Variants in DOP1A observed in about 807,000 individuals in gnomAD.
DOP1A encodes the protein protein DOP1A.
Under a neutral mutation model 267.6 loss-of-function variants are expected in DOP1A, and 90 were observed. That is an observed-to-expected ratio of 0.34 (90% confidence interval 0.28 to 0.40). The LOEUF is 0.40. DOP1A is among the 10% of genes least tolerant of loss of function. DOP1A has a pLI of 1.00. For missense variants in DOP1A, 2,437 were observed against 2,900.4 expected, an observed-to-expected ratio of 0.84 and a Z score of 3.67; for synonymous variants, 932 against 999.1, an observed-to-expected ratio of 0.93 and a Z score of 1.27.
Position 83,138,882 on chromosome 6 carries a change from T to C in DOP1A, c.4840T>C (p.Leu1614=). The C allele has an allele frequency of 6.2e-7, 1 of 1,614,064 alleles. No homozygotes were observed. The highest frequency in any genetic ancestry group is 1.7e-4 in the Middle Eastern group (1 of 6,060). Residue 1614 remains leucine (L), a synonymous_variant, in exon 21 of 39, where the codon TTA becomes CTA. Transcript: ENST00000349129. ...ETGFDFVVSD[L]EHISPHQPMT... ...AGGTTTTGATTTTGTTGTATCTGAC[T>C]TAGAACACATCAGTCCCCATCAACC...
At chr6:83,162,583 T>C (rs540639686) in intron 37 of DOP1A, among the ~76,000 whole-genome samples, 6 of 152,304 alleles carry the variant, frequency 3.9e-5, no homozygotes. Flanking sequence ...TACAACCTTA[T>C]GAGGTAGTTA....
intron 23 of DOP1A, among the ~76,000 whole-genome samples, chr6:83,140,869 C>CT (rs751340697): frequency 9.4e-4 from 139 of 147,266 alleles, no homozygotes; most frequent in African/African-American, 2.8e-3. Flanking sequence ...AACTTTATTC[C>CT]TTTTTTTTTT....
chr6:83,156,974 A>G (rs1477714706), intron 34 of DOP1A, among the ~76,000 whole-genome samples: 2 of 152,198 alleles, frequency 1.3e-5, no homozygotes, highest in Non-Finnish European at 2.9e-5. Context: ...GAATCTGCTT[A>G]ATAAGAAAAT....
chr6:83,138,192 G>A lies in DOP1A; in HGVS notation c.4150G>A (p.Ala1384Thr). 9.9e-6 allele frequency: 16 copies of A among 1,613,784 alleles called. No individual in the cohort carries two copies. Among genetic ancestry groups the A allele is most frequent in the Non-Finnish European group, 1.3e-5 (15 of 1,179,866 alleles). Residue 1384 changes from alanine to threonine, a missense_variant, in exon 21 of 39, where the codon GCT becomes ACT. Coordinates refer to ENST00000349129, the MANE Select transcript of DOP1A (RefSeq NM_015018.4). ...GTATGATTCATCCAGGACTTTGTATGCTTTCTCTGCCATCAAAGCCATCTT... is the reference window on the plus strand; with the variant it reads ...GTATGATTCATCCAGGACTTTGTATACTTTCTCTGCCATCAAAGCCATCTT... ...QLYDSSRTLY[A>T]FSAIKAILKT...
intron 1 of DOP1A, among the ~76,000 whole-genome samples, chr6:83,078,562 T>A (rs774117332): frequency 6.6e-6 from 1 of 152,176 alleles, no homozygotes; most frequent in Non-Finnish European, 1.5e-5. Flanking sequence ...TACAAACTTG[T>A]GTAATTAGGA....
rs759329917 is a variant in DOP1A at position 83,154,060 on chromosome 6, T to C, written c.6389+17T>C. 38 of 1,613,670 alleles carry C rather than the reference T, an allele frequency of 2.4e-5. No homozygotes were observed. Among genetic ancestry groups the C allele is most frequent in the Non-Finnish European group, 3.2e-5 (38 of 1,179,924 alleles). On this transcript the variant is annotated intron_variant, in intron 32 of 38. Coordinates refer to ENST00000349129, the MANE Select transcript of DOP1A (RefSeq NM_015018.4). ...TGTTAATCAGTAAGTTGCCCTCTTATTTGTATTCAGCATGATGCACCTCAC... is the reference window on the plus strand; with the variant it reads ...TGTTAATCAGTAAGTTGCCCTCTTACTTGTATTCAGCATGATGCACCTCAC...
intron 7 of DOP1A, among the ~76,000 whole-genome samples, chr6:83,114,219 A>T (rs1223619511): frequency 6.6e-6 from 1 of 152,012 alleles, no homozygotes; most frequent in East Asian, 1.9e-4. Flanking sequence ...ATTTAATTTG[A>T]TATTGAAATA....
At chr6:83,171,096 T>C (rs1227966099), downstream of DOP1A, 1 of 152,356 alleles carries the variant, frequency 6.6e-6, no homozygotes, top group Non-Finnish European at 1.5e-5. Flanking sequence ...TCCTAGCACT[T>C]TGGGAGGCCA....
At chr6:83,128,531 T>C (rs1777541835) in intron 15 of DOP1A, among the ~76,000 whole-genome samples, 2 of 152,214 alleles carry the variant, frequency 1.3e-5, no homozygotes, top group Admixed American at 1.3e-4. Flanking sequence ...ATTTTATTTG[T>C]AGTTATTAAA....
At chr6:83,155,809 T>A in intron 33 of DOP1A, 142 bp from the exon 34 acceptor site, 1 of 921,960 alleles carries the variant, frequency 1.1e-6, no homozygotes, top group Non-Finnish European at 1.6e-6. Context: ...CCAGCCTGTC[T>A]GCCCCAGAGA....
intron 7 of DOP1A, among the ~76,000 whole-genome samples, chr6:83,117,011 G>T (rs1219182118): frequency 1.3e-5 from 2 of 151,974 alleles, no homozygotes; most frequent in African/African-American, 4.8e-5. Context: ...GGGTAAAAAT[G>T]GCATTCTTTG....
intron 5 of DOP1A, 143 bp downstream of exon 5, chr6:83,109,223 C>T (rs1412645296): frequency 1.4e-5 from 10 of 711,388 alleles, no homozygotes; most frequent in Non-Finnish European, 2.0e-5. Flanking sequence ...AGCAATGAAA[C>T]ATTATTATAG....
intron 1 of DOP1A, among the ~76,000 whole-genome samples, chr6:83,071,488 A>G (rs1051239525): frequency 6.6e-6 from 1 of 152,140 alleles, no homozygotes; most frequent in African/African-American, 2.4e-5. Flanking sequence ...GATTACAGAC[A>G]TGAGCCACTG....
intron 1 of DOP1A, among the ~76,000 whole-genome samples, chr6:83,082,082 T>C (rs1286877655): frequency 6.6e-6 from 1 of 152,120 alleles, no homozygotes; most frequent in Non-Finnish European, 1.5e-5. Flanking sequence ...GAATGTAAAT[T>C]AGTATAGCCA....
chr6:83,123,062 T>C, intron 12 of DOP1A, 80 bp downstream of exon 12: 2 of 1,449,684 alleles, frequency 1.4e-6, no homozygotes, highest in Non-Finnish European at 1.8e-6. Flanking sequence ...TTACATTTAA[T>C]GAATGTTCTT....
chr6:83,169,496 TTAAA>T, downstream of DOP1A: 3 of 723,050 alleles, frequency 4.1e-6, no homozygotes, highest in Non-Finnish European at 4.4e-6. Context: ...TCCAAAGCCC[TTAAA>T]TAAACGGAAA....
At chr6:83,096,886 AC>A (rs1442652304) in intron 2 of DOP1A, 38 bp from the exon 3 acceptor site, 16 of 1,461,400 alleles carry the variant, frequency 1.1e-5, no homozygotes, top group Non-Finnish European at 1.5e-5. Flanking sequence ...CCGTTTTAAT[AC>A]TTTGTAACCT....
intron 1 of DOP1A, among the ~76,000 whole-genome samples, chr6:83,094,117 T>C (rs556941551): frequency 6.6e-6 from 1 of 152,296 alleles, no homozygotes; most frequent in South Asian, 2.1e-4. Flanking sequence ...ATTTACTTTG[T>C]CTCTATAGAT....
chr6:83,119,659 C>T (rs959361452), intron 8 of DOP1A, 89 bp from the exon 9 acceptor site: 16 of 972,158 alleles, frequency 1.6e-5, no homozygotes, highest in Non-Finnish European at 2.4e-5. Context: ...GTGTTTAGTG[C>T]TGTTCTGAGA....
Sources: allele counts gnomAD v4.1 joint callset (sites outside exome capture counted in the v4.1 genomes callset), GRCh38; gene constraint gnomAD v4.1.1; transcripts MANE v1.5; gene names NCBI Gene and HGNC (gene_info 2026-07-23, HGNC 2026-07-21).